PCDH18: variants seen among roughly 807,000 people sequenced by gnomAD.
PCDH18 encodes the protein protocadherin-18.
PCDH18 carries 38 observed loss-of-function variants against 71.5 expected under a neutral mutation model. That is an observed-to-expected ratio of 0.53 (90% CI 0.41 to 0.70). The LOEUF (loss-of-function observed/expected upper bound fraction) is 0.70, where lower values mean the gene tolerates loss of function less well. Ranked by LOEUF, PCDH18 falls within the 30% of genes least tolerant of loss-of-function variation. The probability of loss-of-function intolerance (pLI) is 0.00; values close to 1 mark genes in which losing one functional copy is unlikely to be tolerated. For synonymous variants in PCDH18, 565 were observed against 505.4 expected, an observed-to-expected ratio of 1.12 and a Z score of -1.58; for missense variants, 1,334 against 1,384.6, an observed-to-expected ratio of 0.96 and a Z score of 0.58.
chr4:137,531,459 T>C lies in PCDH18; in HGVS notation c.630A>G (p.Ser210=). ...VVRELDRELK[S]SYELQLTASD... ...AGGCAGTGAGCTGAAGCTCGTAGCT[T>C]GACTTCAGCTCCCGATCTAACTCTC... is the stretch of plus-strand genomic sequence containing the variant. Residue 210 remains serine, a synonymous_variant, in exon 1 of 4, where the codon TCA becomes TCG. Transcript: ENST00000344876. The C allele has an allele frequency of 6.2e-7, 1 of 1,613,922 alleles. No homozygotes were observed. Among genetic ancestry groups the C allele is most frequent in the Non-Finnish European group, 8.5e-7 (1 of 1,179,948 alleles).
rs1434878239 is a variant in PCDH18, at chr4:137,521,508, C to T, written c.2929G>A (p.Gly977Ser). ...LEDDAQPADSGEKKKSFSTFG... is the reference protein window; with the variant it reads ...LEDDAQPADSSEKKKSFSTFG... ...GTGGAAAAACTCTTCTTCTTTTCAC[C>T]GGAATCTGCAGGCTGAGCGTCATCC... Residue 977 changes from glycine to serine, a missense_variant, in exon 4 of 4, where the codon GGT (glycine) becomes AGT (serine). By Grantham distance (56) the Gly-to-Ser change is moderately conservative. Transcript: ENST00000344876. 1 of 1,614,070 alleles carries T rather than the reference C, an allele frequency of 6.2e-7. No individual in the cohort carries two copies. The highest frequency in any genetic ancestry group is 8.5e-7 in the Non-Finnish European group (1 of 1,180,018).
chr4:137,524,617 A>G (rs915744192), intron 3 of PCDH18, among the ~76,000 whole-genome samples: 14 of 152,174 alleles, frequency 9.2e-5, no homozygotes, highest in African/African-American at 3.1e-4. Flanking sequence ...TAGGAAGGAC[A>G]CCATGAGCAA....
At position 137,530,993 on chromosome 4, in the gene PCDH18, T is replaced by C. The variant is rs1475490174; in HGVS notation, c.1096A>G (p.Ile366Val). Residue 366 changes from isoleucine to valine, a missense_variant, in exon 1 of 4, where the codon ATA (isoleucine) becomes GTA (valine). Around this residue, in one of 3 missense-constraint regions of PCDH18, gnomAD observed 1,011 missense variants for 1,048.0 expected, o/e 0.96. Coordinates refer to ENST00000344876, the MANE Select transcript of PCDH18 (RefSeq NM_019035.5). ...INLMSPGKEE[I>V]SYIFEGDPID... ...GGATCCCCTTCAAAAATATAAGATA[T>C]TTCTTCTTTTCCAGGGGACATGAGG... 1 of 1,612,580 alleles carries C rather than the reference T, an allele frequency of 6.2e-7. No individual in the cohort carries two copies. The highest frequency in any genetic ancestry group is 8.5e-7 in the Non-Finnish European group (1 of 1,179,342).
Position 137,530,416 on chromosome 4 carries a change from C to T in PCDH18, c.1673G>A (p.Ser558Asn). The stretch of plus-strand genomic sequence containing the variant: ...GATGGTGAGCACAACTGTGGTATTG[C>T]TTACCAGTTGCTTCGGGCTTCCTCC... ...RDGGSPKQLVSNTTVVLTIID... is the reference protein window; with the variant it reads ...RDGGSPKQLVNNTTVVLTIID... The change falls in exon 1 of 4, where the codon AGC becomes AAC. Residue 558 changes from serine to asparagine, a missense_variant. This residue lies in a region of PCDH18 where 1,011 missense variants were observed against 1,048.0 expected (regional missense o/e 0.96). Coordinates refer to ENST00000344876, the MANE Select transcript of PCDH18 (RefSeq NM_019035.5). The T allele has an allele frequency of 6.2e-7, 1 of 1,614,110 alleles. No individual in the cohort carries two copies. Among genetic ancestry groups the T allele is most frequent in the Non-Finnish European group, 8.5e-7 (1 of 1,179,968 alleles).
At position 137,532,062 on chromosome 4, in the gene PCDH18, G is replaced by T. The variant is rs201444340; in HGVS notation, c.27C>A (p.His9Gln). Reference protein sequence around the residue: MHQMNAKMHFRFVFALLIV... With the variant: MHQMNAKMQFRFVFALLIV... ...TCAGAAGTGCAAAAACAAACCTAAA[G>T]TGCATTTTAGCATTCATTTGGTGCA... Residue 9 changes from histidine to glutamine, a missense_variant, in exon 1 of 4, where the codon CAC (histidine) becomes CAA (glutamine). By Grantham distance (24) the His-to-Gln change is conservative (BLOSUM62 0). This residue lies in a region of PCDH18 where 1,011 missense variants were observed against 1,048.0 expected (regional missense o/e 0.96). Coordinates refer to ENST00000344876, the MANE Select transcript of PCDH18 (RefSeq NM_019035.5). 1.5e-4 allele frequency: 244 copies of T among 1,609,966 alleles called. No individual in the cohort carries two copies. Among genetic ancestry groups the T allele is most frequent in the Middle Eastern group, 5.0e-4 (3 of 6,048 alleles).
chr4:137,530,125 G>A lies in PCDH18; in HGVS notation c.1964C>T (p.Ser655Leu), dbSNP rs933910843. The A allele has an allele frequency of 1.2e-6, 2 of 1,612,918 alleles. No individual in the cohort carries two copies. The highest frequency in any genetic ancestry group is 3.3e-5 in the Admixed American group (2 of 59,956). ...ATTGCCTTTGTCCTGAATGATAACTGACAGCTCCCATTCTGTGTAGGGAAC... is the reference window on the plus strand; with the variant it reads ...ATTGCCTTTGTCCTGAATGATAACTAACAGCTCCCATTCTGTGTAGGGAAC... ...DSVPYTEWELSVIIQDKGNPQ... is the reference protein window; with the variant it reads ...DSVPYTEWELLVIIQDKGNPQ... Residue 655 changes from serine (S) to leucine (L), a missense_variant, in exon 1 of 4, where the codon TCA (serine) becomes TTA (leucine). Physicochemically the swap from Ser to Leu is moderately radical, Grantham distance 145. This residue lies in a region of PCDH18 where 1,011 missense variants were observed against 1,048.0 expected (regional missense o/e 0.96). Coordinates refer to ENST00000344876, the MANE Select transcript of PCDH18 (RefSeq NM_019035.5).
chr4:137,522,508 A>G (rs1188465858), intron 3 of PCDH18, among the ~76,000 whole-genome samples: 1 of 152,182 alleles, frequency 6.6e-6, no homozygotes, highest in Non-Finnish European at 1.5e-5. Flanking sequence ...GGCAAATACA[A>G]TAACTAAGCT....
chr4:137,531,013 A>G lies in PCDH18; in HGVS notation c.1076T>C (p.Met359Thr). The stretch of plus-strand genomic sequence containing the variant: ...AGATATTTCTTCTTTTCCAGGGGAC[A>G]TGAGGTTGATGTTAATTTCAGGTTT... ...DNKPEININL[M>T]SPGKEEISYI... Residue 359 changes from methionine to threonine, a missense_variant, in exon 1 of 4, where the codon ATG becomes ACG. Coordinates refer to ENST00000344876, the MANE Select transcript of PCDH18 (RefSeq NM_019035.5). 1 of 1,610,420 alleles carries G rather than the reference A, an allele frequency of 6.2e-7. No individual in the cohort carries two copies. Among genetic ancestry groups the G allele is most frequent in the South Asian group, 1.1e-5 (1 of 90,770 alleles).
intron 3 of PCDH18, among the ~76,000 whole-genome samples, chr4:137,527,608 T>A (rs1731512095): frequency 6.6e-6 from 1 of 151,844 alleles, no homozygotes; most frequent in Non-Finnish European, 1.5e-5. Flanking sequence ...CTAAGATGGG[T>A]GATATTGTGT....
Position 137,530,541 on chromosome 4 carries a change from T to G in PCDH18, c.1548A>C (p.Thr516=). Residue 516 remains threonine, a synonymous_variant, in exon 1 of 4, where the codon ACA becomes ACC. Transcript: ENST00000344876. ...CATTAGATGGGTCAATGGTTACATA[T>G]GTAGTTATGGAACTTCCTAGAATAA... is the stretch of plus-strand genomic sequence containing the variant. ...ESFILGSSIT[T]YVTIDPSNGA... The G allele has an allele frequency of 6.2e-7, 1 of 1,613,666 alleles. No individual in the cohort carries two copies. Among genetic ancestry groups the G allele is most frequent in the Non-Finnish European group, 8.5e-7 (1 of 1,179,608 alleles).
Position 137,521,461 on chromosome 4 carries a change from G to A in PCDH18, c.2976C>T (p.Asn992=). ...SFSTFGKDSP[N]DEDTGDTSTS... ...TGCTGGTATCCCCAGTGTCCTCATC[G>A]TTTGGGGAGTCCTTTCCAAAGGTGG... The change falls in exon 4 of 4, where the codon AAC becomes AAT. Residue 992 remains asparagine (N), a synonymous_variant. Transcript: ENST00000344876. 2 of 1,614,126 alleles carry A rather than the reference G, an allele frequency of 1.2e-6. No individual in the cohort carries two copies. Among genetic ancestry groups the A allele is most frequent in the African/African-American group, 1.3e-5 (1 of 75,036 alleles).
In PCDH18 at chr4:137,521,507, C is replaced by T. The variant is rs1387063327; in HGVS notation, c.2930G>A (p.Gly977Asp). Reference sequence around the variant, plus strand: ...GGTGGAAAAACTCTTCTTCTTTTCACCGGAATCTGCAGGCTGAGCGTCATC... The same window carrying T: ...GGTGGAAAAACTCTTCTTCTTTTCATCGGAATCTGCAGGCTGAGCGTCATC... ...LEDDAQPADS[G>D]EKKKSFSTFG... The change falls in exon 4 of 4, where the codon GGT becomes GAT. Residue 977 changes from glycine (G) to aspartate (D), a missense_variant. Physicochemically the swap from Gly to Asp is moderately conservative, Grantham distance 94. This residue lies in a region of PCDH18 where 319 missense variants were observed against 316.3 expected (regional missense o/e 1.01). Transcript: ENST00000344876. 44 of 1,614,114 alleles carry T rather than the reference C, an allele frequency of 2.7e-5. No individual in the cohort carries two copies. Among genetic ancestry groups the T allele is most frequent in the Non-Finnish European group, 3.6e-5 (42 of 1,180,022 alleles).
Position 137,532,188 on chromosome 4 carries a change from C to T in PCDH18, c.-100G>A. 1 of 958,534 alleles carries T rather than the reference C, an allele frequency of 1.0e-6. No individual in the cohort carries two copies. The highest frequency in any genetic ancestry group is 1.7e-6 in the Non-Finnish European group (1 of 588,318). 59.4% of individuals were successfully genotyped at this position (958,534 alleles called of 1,614,324 possible). A position where few individuals can be genotyped will look rare whatever the true frequency, so the allele number is the denominator to read the frequency against. ...GTAAAGCTACATTTGGTACTTGAAA[C>T]TTGAAAGCGTCTCTTAATAACACAG... On this transcript the variant is annotated 5_prime_UTR_variant, in exon 1 of 4. Transcript: ENST00000344876.
chr4:137,528,810 T>C lies in PCDH18; in HGVS notation c.2498A>G (p.Gln833Arg). The C allele has an allele frequency of 1.2e-6, 2 of 1,612,118 alleles. No individual in the cohort carries two copies. The highest frequency in any genetic ancestry group is 1.7e-6 in the Non-Finnish European group (2 of 1,178,560). ...CCCCTGGTGAAGCATTGAAAGAAGC[T>C]GAGAGACCTGCTGGAAACCAAATAG... ...HATPAVEQVSQLLSMLHQGQY... is the reference protein window; with the variant it reads ...HATPAVEQVSRLLSMLHQGQY... The change falls in exon 2 of 4, where the codon CAG (glutamine) becomes CGG (arginine). Residue 833 changes from glutamine to arginine, a missense_variant. Transcript: ENST00000344876.
In PCDH18 at chr4:137,531,923, A is replaced by G. The variant is rs143630401; in HGVS notation, c.166T>C (p.Leu56=). The G allele has an allele frequency of 1.9e-5, 31 of 1,614,030 alleles. No individual in the cohort carries two copies. The highest frequency in any genetic ancestry group is 2.3e-5 in the Non-Finnish European group (27 of 1,180,028). Residue 56 remains leucine (L), a synonymous_variant, in exon 1 of 4, where the codon TTG becomes CTG. Coordinates refer to ENST00000344876, the MANE Select transcript of PCDH18 (RefSeq NM_019035.5). ...ACAGTAGAAGGATTAGGAAGCTTCA[A>G]TAAAACATCAGCCACATCCTCTGAT... ...RLSEDVADVL[L]KLPNPSTVRF...
At position 137,531,567 on chromosome 4, in the gene PCDH18, G is replaced by A; in HGVS notation, c.522C>T (p.Tyr174=). ...PDVGENSLHT[Y]SLSANDFFNI... Reference sequence around the variant, plus strand: ...TAAAAAAATCATTGGCAGAGAGCGAGTATGTGTGGAGGGAATTTTCCCCAA... The same window carrying A: ...TAAAAAAATCATTGGCAGAGAGCGAATATGTGTGGAGGGAATTTTCCCCAA... The change falls in exon 1 of 4, where the codon TAC becomes TAT. Residue 174 remains tyrosine, a synonymous_variant. Coordinates refer to ENST00000344876, the MANE Select transcript of PCDH18 (RefSeq NM_019035.5). 1 of 1,613,452 alleles carries A rather than the reference G, an allele frequency of 6.2e-7. No homozygotes were observed. The highest frequency in any genetic ancestry group is 1.1e-5 in the South Asian group (1 of 91,004).
intron 3 of PCDH18, among the ~76,000 whole-genome samples, chr4:137,526,664 C>A (rs1311332091): frequency 1.3e-5 from 2 of 151,934 alleles, no homozygotes; most frequent in East Asian, 1.9e-4. Flanking sequence ...CTCTCGAAGT[C>A]CCCCCCATAC....
At chr4:137,525,545 A>T (rs1731424711) in intron 3 of PCDH18, among the ~76,000 whole-genome samples, 1 of 152,158 alleles carries the variant, frequency 6.6e-6, no homozygotes, top group South Asian at 2.1e-4. Context: ...GTAAATAATA[A>T]ATTGGAATAT....
At position 137,530,873 on chromosome 4, in the gene PCDH18, T is replaced by G. The variant is rs1731661754; in HGVS notation, c.1216A>C (p.Lys406Gln). The G allele has an allele frequency of 6.2e-7, 1 of 1,611,486 alleles. No homozygotes were observed. Among genetic ancestry groups the G allele is most frequent in the African/African-American group, 1.3e-5 (1 of 74,734 alleles). ...TTGTTTTCATATGTCTTCTGAAGTT[T>G]AAAGTGACCATGTCCATGAAGCTTA... ...VCKLHGHGHF[K>Q]LQKTYENNYL... Residue 406 changes from lysine to glutamine, a missense_variant, in exon 1 of 4, where the codon AAA (lysine) becomes CAA (glutamine). By Grantham distance (53) the Lys-to-Gln change is moderately conservative. This residue lies in a region of PCDH18 where 1,011 missense variants were observed against 1,048.0 expected (regional missense o/e 0.96). Coordinates refer to ENST00000344876, the MANE Select transcript of PCDH18 (RefSeq NM_019035.5).
Sources: allele counts gnomAD v4.1 joint callset (sites outside exome capture counted in the v4.1 genomes callset), GRCh38; gene constraint gnomAD v4.1.1; regional missense constraint gnomAD v4.1.1; transcripts MANE v1.5; gene names NCBI Gene and HGNC (gene_info 2026-07-23, HGNC 2026-07-21).